The following GNG7 variants were observed in gnomAD, a reference collection of about 807,000 sequenced individuals.
GNG7 encodes G protein subunit gamma 7.
A neutral mutation model predicts 4.0 loss-of-function variants in GNG7; 1 was observed. The observed-to-expected ratio is 0.25, with a 90% confidence interval of 0.09 to 1.18. GNG7 has a LOEUF of 1.18. Ranked by LOEUF, GNG7 falls within the 50% of genes most tolerant of loss-of-function variation. The probability of loss-of-function intolerance (pLI) is 0.50; values close to 1 mark genes in which losing one functional copy is unlikely to be tolerated. For missense variants in GNG7, 86 were observed against 91.9 expected (o/e 0.94, Z 0.26); for synonymous variants, 34 against 36.9 (o/e 0.92, Z 0.29).
At chr19:2,556,675 C>T (rs1258389292) in intron 2 of GNG7, among the ~76,000 whole-genome samples, 1 of 152,104 alleles carries the variant, frequency 6.6e-6, no homozygotes, top group African/African-American at 2.4e-5. Flanking sequence ...CTGGGGAGGC[C>T]GAGTCCCGGC....
At chr19:2,694,359 G>A (rs1279924038) in intron 1 of GNG7, among the ~76,000 whole-genome samples, 1 of 152,104 alleles carries the variant, frequency 6.6e-6, no homozygotes, top group Non-Finnish European at 1.5e-5. Context: ...CTCAACCCCA[G>A]ATGACTGTGG....
chr19:2,606,154 G>A (rs1599418147), intron 2 of GNG7, among the ~76,000 whole-genome samples: 1 of 152,136 alleles, frequency 6.6e-6, no homozygotes, highest in Non-Finnish European at 1.5e-5. Flanking sequence ...CGAGGTGGGT[G>A]GATTGCTTGA....
chr19:2,686,821 G>A (rs370804209), intron 1 of GNG7, among the ~76,000 whole-genome samples: 21 of 148,954 alleles, frequency 1.4e-4, no homozygotes, highest in South Asian at 6.4e-4. Flanking sequence ...GCACGATCTC[G>A]GCTCACTGCA....
chr19:2,556,148 G>A (rs1271151757), intron 2 of GNG7, among the ~76,000 whole-genome samples: 1 of 152,236 alleles, frequency 6.6e-6, no homozygotes, highest in Non-Finnish European at 1.5e-5. Flanking sequence ...CGGGACTTGC[G>A]CACAATGAAC....
intron 2 of GNG7, among the ~76,000 whole-genome samples, chr19:2,619,430 G>A (rs1199599188): frequency 1.3e-5 from 2 of 152,230 alleles, no homozygotes; most frequent in African/African-American, 4.8e-5. Flanking sequence ...TGCTACCCCA[G>A]GCCTCGCACA....
chr19:2,571,800 T>C (rs1036474579), intron 2 of GNG7, among the ~76,000 whole-genome samples: 1 of 152,000 alleles, frequency 6.6e-6, no homozygotes, highest in East Asian at 1.9e-4. Flanking sequence ...TTCACCATGT[T>C]GGCCAGGCTG....
At chr19:2,602,181 G>A (rs1568259001) in intron 2 of GNG7, among the ~76,000 whole-genome samples, 1 of 151,486 alleles carries the variant, frequency 6.6e-6, no homozygotes, top group African/African-American at 2.4e-5. Flanking sequence ...TACTAAAAAT[G>A]CAAAAATTAG....
chr19:2,659,940 C>T (rs1036287121), intron 1 of GNG7, among the ~76,000 whole-genome samples: 4 of 152,178 alleles, frequency 2.6e-5, no homozygotes, highest in South Asian at 2.1e-4. Flanking sequence ...TGCTTTCCCC[C>T]GAGCCCCTGT....
intron 2 of GNG7, among the ~76,000 whole-genome samples, chr19:2,574,880 C>A (rs186554001): frequency 6.6e-6 from 1 of 152,296 alleles, no homozygotes; most frequent in Admixed American, 6.5e-5. Context: ...CGAAACCGCA[C>A]TTGTTATCAG....
At chr19:2,655,768 G>A (rs1485110597) in intron 1 of GNG7, among the ~76,000 whole-genome samples, 5 of 150,354 alleles carry the variant, frequency 3.3e-5, no homozygotes, top group Non-Finnish European at 7.4e-5. Flanking sequence ...GAACCCGGGA[G>A]GTGGAGCTTG....
intron 1 of GNG7, among the ~76,000 whole-genome samples, chr19:2,695,692 G>A (rs1354132441): frequency 2.6e-5 from 4 of 152,108 alleles, no homozygotes; most frequent in Admixed American, 2.6e-4. Flanking sequence ...CCATCATGTG[G>A]GTGCTGACTT....
chr19:2,536,006 T>C (rs940174191), intron 3 of GNG7, among the ~76,000 whole-genome samples: 1 of 152,100 alleles, frequency 6.6e-6, no homozygotes, highest in African/African-American at 2.4e-5. Flanking sequence ...GTGCCTATAG[T>C]CTCAGCTACT....
chr19:2,694,485 G>T (rs755307984), intron 1 of GNG7, among the ~76,000 whole-genome samples: 2 of 151,548 alleles, frequency 1.3e-5, no homozygotes, highest in Non-Finnish European at 2.9e-5. Context: ...CCCCACCCCA[G>T]AGAACAATCC....
intron 3 of GNG7, among the ~76,000 whole-genome samples, chr19:2,550,344 AGTAGCTG>A (rs1348904552): frequency 6.6e-6 from 1 of 152,142 alleles, no homozygotes; most frequent in Non-Finnish European, 1.5e-5. Context: ...CAGCCTCCTG[AGTAGCTG>A]GTAGCTGGGA....
chr19:2,539,063 A>G (rs944887642), intron 3 of GNG7, among the ~76,000 whole-genome samples: 12 of 152,002 alleles, frequency 7.9e-5, no homozygotes, highest in South Asian at 2.1e-4. Context: ...GAGCCACGGC[A>G]CCCAGCCCTA....
At chr19:2,664,181 C>T (rs1983246708) in intron 1 of GNG7, among the ~76,000 whole-genome samples, 2 of 152,202 alleles carry the variant, frequency 1.3e-5, no homozygotes, top group South Asian at 4.1e-4. Flanking sequence ...CCTTCCCACG[C>T]TGACATTCTG....
intron 3 of GNG7, among the ~76,000 whole-genome samples, chr19:2,540,142 C>G (rs889998932): frequency 1.4e-5 from 2 of 145,306 alleles, no homozygotes; most frequent in African/African-American, 5.1e-5. Flanking sequence ...TTCCGTCTCT[C>G]TCTCTCTTTC....
chr19:2,588,905 G>T (rs1980757362), intron 2 of GNG7, among the ~76,000 whole-genome samples: 1 of 152,074 alleles, frequency 6.6e-6, no homozygotes, highest in South Asian at 2.1e-4. Flanking sequence ...TCCCTTGCTG[G>T]CCCTGGTGCC....
At chr19:2,606,575 A>G (rs1171701403) in intron 2 of GNG7, among the ~76,000 whole-genome samples, 1 of 151,930 alleles carries the variant, frequency 6.6e-6, no homozygotes, top group Non-Finnish European at 1.5e-5. Context: ...GAATCGCTTG[A>G]ACCCGGGAGG....
Sources: allele counts gnomAD v4.1 joint callset (sites outside exome capture counted in the v4.1 genomes callset), GRCh38; gene constraint gnomAD v4.1.1; transcripts MANE v1.5; gene names NCBI Gene and HGNC (gene_info 2026-07-23, HGNC 2026-07-21).